The following CENPE variants were observed in gnomAD, a reference collection of about 807,000 sequenced individuals.
CENPE encodes the protein centromere protein E.
CENPE carries 145 observed loss-of-function variants against 336.1 expected under a neutral mutation model. The ratio of observed to expected loss-of-function variants is 0.43; its 90% CI spans 0.38 to 0.50. The LOEUF (loss-of-function observed/expected upper bound fraction) is 0.50. Among genes scored for constraint, CENPE ranks in the 20% least tolerant of loss-of-function variants. The pLI is 0.00. For synonymous variants in CENPE, 1,013 were observed against 984.8 expected (o/e 1.03, Z -0.54); for missense variants, 2,719 against 3,023.3 (o/e 0.90, Z 2.36).
chr4:103,106,305 C>T lies in CENPE; in HGVS notation c.8023G>A (p.Ala2675Thr), dbSNP rs775887389. Residue 2675 changes from alanine (A) to threonine (T), a missense_variant, in exon 49 of 49, where the codon GCA (alanine) becomes ACA (threonine). Ala to Thr is a moderately conservative substitution (Grantham distance 58). Coordinates refer to ENST00000265148, the MANE Select transcript of CENPE (RefSeq NM_001813.3). ...SLGLCPEVQN[A>T]GAESVDSQPG... ...TGAGAATCCACACTCTCTGCTCCTG[C>T]ATTTTGCACCTCTGAGAAAGAAAAT... The T allele has an allele frequency of 6.3e-7, 1 of 1,587,802 alleles. No individual in the cohort carries two copies. Among genetic ancestry groups the T allele is most frequent in the African/African-American group, 1.3e-5 (1 of 74,582 alleles).
intron 8 of CENPE, among the ~76,000 whole-genome samples, chr4:103,187,549 A>C (rs1756895706): frequency 1.3e-5 from 2 of 152,182 alleles, no homozygotes; most frequent in South Asian, 4.1e-4. Context: ...AGCCAAACTA[A>C]GCTTCATAAG....
At chr4:103,115,696 T>C (rs1750032696) in intron 45 of CENPE, among the ~76,000 whole-genome samples, 1 of 151,894 alleles carries the variant, frequency 6.6e-6, no homozygotes, top group African/African-American at 2.4e-5. Flanking sequence ...GAATAAACAG[T>C]GTAAGGTGAT....
At chr4:103,159,488 A>G (rs1396276996) in intron 21 of CENPE, among the ~76,000 whole-genome samples, 164 bp from the exon 22 acceptor site, 2 of 151,964 alleles carry the variant, frequency 1.3e-5, no homozygotes, top group East Asian at 3.8e-4. Flanking sequence ...ACTTTTCCCT[A>G]ACTCAGCTTG....
At chr4:103,162,146 A>T (rs1440319297) in intron 18 of CENPE, among the ~76,000 whole-genome samples, 16 of 151,758 alleles carry the variant, frequency 1.1e-4, no homozygotes, top group African/African-American at 2.9e-4. Flanking sequence ...CTTCCTATCC[A>T]GGGCCTCAGA....
At chr4:103,116,101 C>CTA (rs1253650244) in intron 45 of CENPE, among the ~76,000 whole-genome samples, 3 of 152,044 alleles carry the variant, frequency 2.0e-5, no homozygotes, top group African/African-American at 7.2e-5. Flanking sequence ...ATGTATAATG[C>CTA]TACCTATAAA....
intron 24 of CENPE, among the ~76,000 whole-genome samples, chr4:103,155,419 T>A (rs1753885752): frequency 6.6e-6 from 1 of 152,064 alleles, no homozygotes; most frequent in Admixed American, 6.5e-5. Context: ...CAGGTGATCC[T>A]CCTACCTCAG....
chr4:103,193,665 T>A (rs1757528714), intron 8 of CENPE, among the ~76,000 whole-genome samples: 1 of 152,136 alleles, frequency 6.6e-6, no homozygotes. Context: ...AGCAAATCTA[T>A]ATTAGACATA....
chr4:103,194,106 A>C (rs1757565586), intron 8 of CENPE, 123 bp downstream of exon 8: 6 of 704,104 alleles, frequency 8.5e-6, no homozygotes, highest in Non-Finnish European at 1.4e-5. Flanking sequence ...CTAAGCAGAC[A>C]ATTTGTAGAT....
intron 16 of CENPE, among the ~76,000 whole-genome samples, chr4:103,168,840 A>C (rs952484264): frequency 6.6e-6 from 1 of 152,216 alleles, no homozygotes; most frequent in Non-Finnish European, 1.5e-5. Context: ...ATAGATCTTG[A>C]AAAGACCTTA....
At chr4:103,140,631 A>C (rs893246342) in intron 36 of CENPE, among the ~76,000 whole-genome samples, 183 bp downstream of exon 36, 1 of 152,094 alleles carries the variant, frequency 6.6e-6, no homozygotes, top group Non-Finnish European at 1.5e-5. Context: ...TTCTAAATCA[A>C]TATCACAAAA....
intron 8 of CENPE, among the ~76,000 whole-genome samples, chr4:103,191,667 G>A (rs866726016): frequency 1.1e-4 from 16 of 149,238 alleles, no homozygotes; most frequent in African/African-American, 3.5e-4. Context: ...GGGAGGGGGG[G>A]ATAGCATTAG....
At chr4:103,106,393 G>C in intron 48 of CENPE, 77 bp from the exon 49 acceptor site, 6 of 1,143,942 alleles carry the variant, frequency 5.2e-6, no homozygotes, top group Non-Finnish European at 7.7e-6. Flanking sequence ...AAGTGGAAAG[G>C]AGGTTAAGAC....
Position 103,112,867 on chromosome 4 carries a change from T to C in CENPE, c.7540+1588A>G, listed in dbSNP as rs9761220. ...ATATATACTTATAAGTATATAAGTG[T>C]ACATATATACTTATAAGTATATAAG... On this transcript the variant is annotated intron_variant, in intron 46 of 48. Coordinates refer to ENST00000265148, the MANE Select transcript of CENPE (RefSeq NM_001813.3). 9.6e-4 allele frequency among the ~76,000 whole-genome samples: 26 copies of C among 26,956 alleles called. 7 individuals carry two copies. The highest frequency in any genetic ancestry group is 2.2e-3 in the South Asian group (2 of 928). The allele number at this position is 26,956 out of a possible 152,430, so 17.7% of individuals were successfully genotyped here.
intron 42 of CENPE, among the ~76,000 whole-genome samples, chr4:103,130,563 G>A (rs1023982871): frequency 3.3e-5 from 5 of 152,008 alleles, no homozygotes; most frequent in African/African-American, 9.7e-5. Flanking sequence ...AAAAAGACAC[G>A]ATATTGTCAA....
chr4:103,165,585 A>G (rs1754835179), intron 16 of CENPE, among the ~76,000 whole-genome samples: 1 of 152,212 alleles, frequency 6.6e-6, no homozygotes, highest in Non-Finnish European at 1.5e-5. Context: ...ACATACACAT[A>G]GACTTATATT....
chr4:103,148,456 T>C (rs939003435), intron 28 of CENPE, among the ~76,000 whole-genome samples: 1 of 152,176 alleles, frequency 6.6e-6, no homozygotes, highest in African/African-American at 2.4e-5. Flanking sequence ...TAGTTTATAA[T>C]GGGGGGAAAG....
intron 8 of CENPE, among the ~76,000 whole-genome samples, chr4:103,188,917 GA>G (rs1170115610): frequency 6.6e-6 from 1 of 152,120 alleles, no homozygotes; most frequent in Non-Finnish European, 1.5e-5. Flanking sequence ...AAGAAGAAAA[GA>G]GAGAAGAATC....
At chr4:103,162,487 G>C (rs187691902) in intron 18 of CENPE, among the ~76,000 whole-genome samples, 228 of 151,698 alleles carry the variant, frequency 1.5e-3, no homozygotes, top group African/African-American at 5.3e-3. Flanking sequence ...AAATATCCCA[G>C]TTTAATATTT....
At chr4:103,172,043 G>A (rs532196729) in intron 16 of CENPE, among the ~76,000 whole-genome samples, 1 of 152,018 alleles carries the variant, frequency 6.6e-6, no homozygotes, top group East Asian at 1.9e-4. Flanking sequence ...AACAGTTACA[G>A]AAGAACTAAT....
Sources: allele counts gnomAD v4.1 joint callset (sites outside exome capture counted in the v4.1 genomes callset), GRCh38; gene constraint gnomAD v4.1.1; transcripts MANE v1.5; gene names NCBI Gene and HGNC (gene_info 2026-07-23, HGNC 2026-07-21).